The following COL13A1 variants were observed in gnomAD, a reference collection of about 807,000 sequenced individuals.
COL13A1 encodes the protein collagen alpha-1(XIII) chain.
Under a neutral mutation model 130.9 loss-of-function variants are expected in COL13A1, and 89 were observed. The ratio of observed to expected loss-of-function variants is 0.68; its 90% confidence interval spans 0.57 to 0.81. The LOEUF is 0.81. Among genes scored for constraint, COL13A1 ranks in the 30% least tolerant of loss-of-function variants. The pLI is 0.00. For missense variants in COL13A1, 879 were observed against 934.6 expected (o/e 0.94, Z 0.78); for synonymous variants, 402 against 341.6 (o/e 1.18, Z -1.95).
At chr10:69,956,299 G>T (rs2070674832) in intron 39 of COL13A1, 1 of 152,254 alleles carries the variant, frequency 6.6e-6, no homozygotes, top group Non-Finnish European at 1.5e-5. Flanking sequence ...GAGGCTAAAG[G>T]AGCTGCATGG....
Position 69,898,776 on chromosome 10 carries a change from G to A in COL13A1, c.750+14G>A, listed in dbSNP as rs891159531. The A allele has an allele frequency of 1.9e-5, 30 of 1,607,484 alleles. No homozygotes were observed. Among genetic ancestry groups the A allele is most frequent in the South Asian group, 1.2e-4 (11 of 89,930 alleles). ...CGGACGTTCCAGGTAGACACCTCCC[G>A]TTTGTCCAGACCATGTGTGGTTTCC... is the stretch of plus-strand genomic sequence containing the variant. On this transcript the variant is annotated intron_variant, in intron 14 of 40. Coordinates refer to ENST00000645393, the MANE Select transcript of COL13A1 (RefSeq NM_001368882.1).
intron 14 of COL13A1, among the ~76,000 whole-genome samples, chr10:69,900,759 T>G (rs2062107409): frequency 6.6e-6 from 1 of 151,990 alleles, no homozygotes; most frequent in African/African-American, 2.4e-5. Context: ...GAGCCCTTTT[T>G]GCTGGGGGCT....
rs769481200 is a variant in COL13A1, at chr10:69,899,008, CCT to C, written c.750+247_750+248del. Among the ~76,000 whole-genome samples, 198 of 152,286 alleles carry C rather than the reference CCT, an allele frequency of 1.3e-3. 11 individuals are homozygous for C. Among genetic ancestry groups the C allele is most frequent in the Admixed American group, 1.6e-3 (24 of 15,254 alleles). On this transcript the variant is annotated intron_variant, in intron 14 of 40. Transcript: ENST00000645393. ...AGAGCTGTCAGTGTGTGCCAGGCAC[CCT>C]GTTACCCATTTCACAGGCCTGGTTA...
In COL13A1 at chr10:69,925,839, G is replaced by A. The variant is rs1467325728; in HGVS notation, c.1365G>A (p.Val455=). 6.2e-7 allele frequency: 1 copy of A among 1,600,182 alleles called. No homozygotes were observed. The highest frequency in any genetic ancestry group is 1.1e-5 in the South Asian group (1 of 87,864). Reference sequence around the variant, plus strand: ...GAGAACCAGGGAAAGGAGAGATGGTGGATTACAATGGAAACATCAATGAGG... The same window carrying A: ...GAGAACCAGGGAAAGGAGAGATGGTAGATTACAATGGAAACATCAATGAGG... ...SKGEPGKGEM[V]DYNGNINEAL... is the part of the protein sequence containing the mutation. Residue 455 remains valine (V), a synonymous_variant, in exon 26 of 41, where the codon GTG becomes GTA. Coordinates refer to ENST00000645393, the MANE Select transcript of COL13A1 (RefSeq NM_001368882.1).
intron 17 of COL13A1, among the ~76,000 whole-genome samples, chr10:69,910,147 C>T (rs912954233): frequency 5.3e-5 from 8 of 152,098 alleles, no homozygotes; most frequent in African/African-American, 1.4e-4. Flanking sequence ...TTCTATTGCC[C>T]ATCAGTCCTC....
intron 2 of COL13A1, chr10:69,860,749 TG>T: frequency 3.9e-6 from 1 of 255,260 alleles, no homozygotes; most frequent in Non-Finnish European, 7.7e-6. Flanking sequence ...AGCCCCAGGC[TG>T]CTATCCCCCA....
intron 3 of COL13A1, among the ~76,000 whole-genome samples, chr10:69,869,554 C>T (rs115156558): frequency 7.0e-4 from 106 of 152,282 alleles, no homozygotes; most frequent in African/African-American, 2.2e-3. Context: ...GGCACAAGGT[C>T]GGCCAGTGCC....
At chr10:69,929,021 G>C (rs752014476) in intron 28 of COL13A1, 22 bp downstream of exon 28, 6 of 1,606,722 alleles carry the variant, frequency 3.7e-6, no homozygotes, top group South Asian at 1.1e-5. Context: ...CTTGACAAAG[G>C]GGGTGAAGAC....
chr10:69,880,035 G>A (rs2059969491), intron 6 of COL13A1, among the ~76,000 whole-genome samples: 1 of 152,136 alleles, frequency 6.6e-6, no homozygotes, highest in Non-Finnish European at 1.5e-5. Flanking sequence ...GGTATTTGCG[G>A]AGGGGGAGCT....
chr10:69,925,774 C>T, intron 25 of COL13A1, 30 bp from the exon 26 acceptor site: 1 of 1,557,620 alleles, frequency 6.4e-7, no homozygotes, highest in East Asian at 2.4e-5. Context: ...CCGGTCCAGG[C>T]CGTGGGTTGA....
intron 19 of COL13A1, 37 bp downstream of exon 19, chr10:69,918,354 G>T (rs369525734): frequency 1.2e-6 from 2 of 1,609,300 alleles, no homozygotes; most frequent in South Asian, 1.1e-5. Flanking sequence ...TCAGGGACAG[G>T]GTGGGAGAGA....
intron 2 of COL13A1, among the ~76,000 whole-genome samples, chr10:69,851,986 G>T (rs1854980489): frequency 1.3e-5 from 2 of 152,166 alleles, no homozygotes; most frequent in South Asian, 4.1e-4. Flanking sequence ...GCCACAGGTG[G>T]CTGACAGCTG....
intron 1 of COL13A1, among the ~76,000 whole-genome samples, chr10:69,820,361 T>C (rs147232936): frequency 5.8e-4 from 88 of 152,360 alleles, no homozygotes; most frequent in African/African-American, 2.1e-3. Flanking sequence ...ACAACTCCGA[T>C]GGTTACAACC....
chr10:69,861,890 G>C lies in COL13A1; in HGVS notation c.365-5908G>C, dbSNP rs146273302. 4.8e-3 allele frequency among the ~76,000 whole-genome samples: 733 copies of C among 152,328 alleles called. 8 individuals are homozygous for C. Among genetic ancestry groups the C allele is most frequent in the African/African-American group, 0.016 (684 of 41,578 alleles). On this transcript the variant is annotated intron_variant, in intron 2 of 40. Transcript: ENST00000645393. ...TACCCCATCAACCTGGGCTGGAAAGGTCTGGGGGTGTCTTGTGGCCGAGAG... is the reference window on the plus strand; with the variant it reads ...TACCCCATCAACCTGGGCTGGAAAGCTCTGGGGGTGTCTTGTGGCCGAGAG...
chr10:69,901,502 T>G (rs2062178005), intron 14 of COL13A1, among the ~76,000 whole-genome samples: 1 of 152,098 alleles, frequency 6.6e-6, no homozygotes, highest in Non-Finnish European at 1.5e-5. Context: ...CCCTCAGGTG[T>G]GTCATAGGGG....
At chr10:69,925,913 C>T (rs751241749) in intron 26 of COL13A1, 41 bp downstream of exon 26, 18 of 1,508,372 alleles carry the variant, frequency 1.2e-5, no homozygotes, top group Non-Finnish European at 9.1e-6. Context: ...CCTCATGGAT[C>T]TCAGGCTCTG....
At chr10:69,816,400 C>G (rs540541879) in intron 1 of COL13A1, among the ~76,000 whole-genome samples, 18 of 151,272 alleles carry the variant, frequency 1.2e-4, no homozygotes, top group African/African-American at 4.4e-4. Flanking sequence ...TTTTGCCAGG[C>G]TAATTCTGAG....
At position 69,815,211 on chromosome 10, in the gene COL13A1, G is replaced by A. The variant is rs537808678; in HGVS notation, c.295-7158G>A. ...ATGCCACAGCTTGGACCCACCCCAT[G>A]TATTGCAGAGGCCCAGGTTGAGCTA... On this transcript the variant is annotated intron_variant, in intron 1 of 40. Coordinates refer to ENST00000645393, the MANE Select transcript of COL13A1 (RefSeq NM_001368882.1). Among the ~76,000 whole-genome samples the A allele has an allele frequency of 3.9e-5, 6 of 152,296 alleles. No individual in the cohort carries two copies. The South Asian group carries it at 6.2e-4, about 16-fold the overall frequency.
intron 7 of COL13A1, among the ~76,000 whole-genome samples, chr10:69,886,351 A>G (rs1455648947): frequency 2.0e-5 from 3 of 152,220 alleles, no homozygotes; most frequent in African/African-American, 7.2e-5. Context: ...GGGAGGTTAG[A>G]CAACTTGCTG....
Sources: gnomAD v4.1 joint callset for allele counts (sites outside exome capture counted in the v4.1 genomes callset) on GRCh38, gnomAD v4.1.1 for gene constraint, MANE v1.5 for transcripts, NCBI Gene and HGNC (gene_info 2026-07-23, HGNC 2026-07-21) for gene names.